NLRP1: variants seen among roughly 807,000 people sequenced by gnomAD.
NLRP1 encodes NLR family pyrin domain containing 1.
NLRP1 carries 94 observed loss-of-function variants against 136.7 expected under a neutral mutation model. That is an observed-to-expected ratio of 0.69 (90% CI 0.58 to 0.82). NLRP1 has a LOEUF of 0.82. Ranked by LOEUF, NLRP1 falls within the 40% of genes least tolerant of loss-of-function variation. The pLI is 0.00. For synonymous variants in NLRP1, 690 were observed against 725.1 expected, an observed-to-expected ratio of 0.95 and a Z score of 0.78; for missense variants, 1,575 against 1,802.7, an observed-to-expected ratio of 0.87 and a Z score of 2.29.
chr17:5,514,533 G>T lies in NLRP1; in HGVS notation c.*221C>A, dbSNP rs1907844245. The T allele has an allele frequency of 1.4e-6, 2 of 1,411,716 alleles. No individual in the cohort carries two copies. The highest frequency in any genetic ancestry group is 3.0e-5 in the South Asian group (2 of 65,604). The allele number at this position is 1,411,716 out of a possible 1,614,324, so 87.4% of individuals were successfully genotyped here. On this transcript the variant is annotated 3_prime_UTR_variant, in exon 17 of 17. Transcript: ENST00000572272. The stretch of plus-strand genomic sequence containing the variant: ...GTCTGCAGGGGTCTTGCCAGCTCCA[G>T]ATGGACATTCCCTGAGATGCTGTTA...
intron 3 of NLRP1, among the ~76,000 whole-genome samples, chr17:5,581,075 C>A (rs538664705): frequency 6.6e-6 from 1 of 152,314 alleles, no homozygotes; most frequent in South Asian, 2.1e-4. Flanking sequence ...ACAAAATCTA[C>A]AAGTTCACTC....
At position 5,584,115 on chromosome 17, in the gene NLRP1, C is replaced by T. The variant is rs200924726; in HGVS notation, c.-158G>A. 1.0e-4 allele frequency: 72 copies of T among 702,306 alleles called. No homozygotes were observed. The East Asian group carries it at 1.2e-3, about 11-fold the overall frequency. 43.5% of individuals were successfully genotyped at this position (702,306 alleles called of 1,614,324 possible). On this transcript the variant is annotated 5_prime_UTR_variant, in exon 1 of 17. Coordinates refer to ENST00000572272, the MANE Select transcript of NLRP1 (RefSeq NM_033004.4). ...AAATCCCAGGGCACCTACAGATAGA[C>T]GCCGATAGAGGGGGAGTGGTAGGAA...
intron 5 of NLRP1, 35 bp from the exon 6 acceptor site, chr17:5,542,062 C>G (rs1353254873): frequency 6.3e-7 from 1 of 1,595,042 alleles, no homozygotes; most frequent in South Asian, 1.1e-5. Context: ...CTTCAGGTTA[C>G]TCACCTGTTG....
At position 5,559,499 on chromosome 17, in the gene NLRP1, C is replaced by A. The variant is rs573778083; in HGVS notation, c.1197G>T (p.Leu399=). The stretch of plus-strand genomic sequence containing the variant: ...TGAAGAGCAGCCGCTCTGGCCTAGA[C>A]AGGATCTGTCTAATGGGAGCCGGAG... ...TATPAPIRQI[L]SRPERLLFIL... The change falls in exon 4 of 17, where the codon CTG becomes CTT. Residue 399 remains leucine, a synonymous_variant. Transcript: ENST00000572272. The A allele has an allele frequency of 5.0e-6, 8 of 1,614,234 alleles. No homozygotes were observed. The South Asian group carries it at 6.6e-5, about 13-fold the overall frequency.
chr17:5,544,201 C>A (rs35918709), intron 5 of NLRP1, among the ~76,000 whole-genome samples: 6,650 of 152,222 alleles, frequency 0.044, 173 homozygotes, highest in Middle Eastern at 0.082. Flanking sequence ...GTGATTATTG[C>A]CACGCTTTAT....
Position 5,558,704 on chromosome 17 carries a change from G to C in NLRP1, c.1992C>G (p.Gly664=). ...EKTLEAYGIH[G]LFGASTTRFL... is the part of the protein sequence containing the mutation. ...AACGTGTGGTTGATGCCCCAAACAG[G>C]CCATGTATTCCATATGCTTCTAGCG... Residue 664 remains glycine, a synonymous_variant, in exon 4 of 17, where the codon GGC becomes GGG. Coordinates refer to ENST00000572272, the MANE Select transcript of NLRP1 (RefSeq NM_033004.4). 1 of 1,614,092 alleles carries C rather than the reference G, an allele frequency of 6.2e-7. No homozygotes were observed. Among genetic ancestry groups the C allele is most frequent in the Non-Finnish European group, 8.5e-7 (1 of 1,180,020 alleles).
At position 5,521,022 on chromosome 17, in the gene NLRP1, A is replaced by G. The variant is rs1740043510; in HGVS notation, c.3784-10T>C. 1 of 1,591,878 alleles carries G rather than the reference A, an allele frequency of 6.3e-7. No homozygotes were observed. Among genetic ancestry groups the G allele is most frequent in the African/African-American group, 1.3e-5 (1 of 74,404 alleles). ...CTAGATCATCTATGGCCTACAGAAC[A>G]TAGGGAACAATGATTAAGGGAGGCT... On this transcript the variant is annotated splice_polypyrimidine_tract_variant and intron_variant, in intron 13 of 16. Transcript: ENST00000572272.
intron 5 of NLRP1, among the ~76,000 whole-genome samples, chr17:5,550,069 C>G (rs954288372): frequency 6.6e-6 from 1 of 152,012 alleles, no homozygotes; most frequent in Non-Finnish European, 1.5e-5. Flanking sequence ...GTCTACAATC[C>G]TTTTTATATG....
At position 5,521,566 on chromosome 17, in the gene NLRP1, G is replaced by T. The variant is rs2301583; in HGVS notation, c.3741C>A (p.Thr1247=). The T allele has an allele frequency of 0.012, 19,918 of 1,614,116 alleles. 153 individuals carry two copies. The highest frequency in any genetic ancestry group is 0.013 in the Non-Finnish European group (15,653 of 1,180,010). ...LYHRVHPEEV[T]FHLYLIPSDC... ...CACTTGGGATCAGGTAGAGGTGGAAGGTGACTTCCTCAGGATGGACGCGGT... is the reference window on the plus strand; with the variant it reads ...CACTTGGGATCAGGTAGAGGTGGAATGTGACTTCCTCAGGATGGACGCGGT... Residue 1247 remains threonine (T), a synonymous_variant, in exon 13 of 17, where the codon ACC becomes ACA. Coordinates refer to ENST00000572272, the MANE Select transcript of NLRP1 (RefSeq NM_033004.4).
At chr17:5,547,980 T>C (rs11655423) in intron 5 of NLRP1, among the ~76,000 whole-genome samples, 7,183 of 152,284 alleles carry the variant, frequency 0.047, 199 homozygotes, top group Middle Eastern at 0.085. Flanking sequence ...CTGAATTTCT[T>C]ACCCTCTGAC....
chr17:5,536,915 C>G lies in NLRP1; in HGVS notation c.2896G>C (p.Glu966Gln), dbSNP rs1911149767. ...LGLDQTTLSD[E>Q]MRQELRALEQ... ...AGGGCCCTCAGTTCCTGCCTCATCT[C>G]ATCACTCAGAGTTGTCTGGTCCAGC... The change falls in exon 8 of 17, where the codon GAG (glutamate) becomes CAG (glutamine). Residue 966 changes from glutamate to glutamine, a missense_variant. Transcript: ENST00000572272. 2 of 1,613,614 alleles carry G rather than the reference C, an allele frequency of 1.2e-6. No homozygotes were observed. Among genetic ancestry groups the G allele is most frequent in the Admixed American group, 3.3e-5 (2 of 60,000 alleles).
rs984522526 is a variant in NLRP1, at chr17:5,535,141, A to C, written c.2961-1153T>G. On this transcript the variant is annotated intron_variant, in intron 8 of 16. Coordinates refer to ENST00000572272, the MANE Select transcript of NLRP1 (RefSeq NM_033004.4). ...AGGCTGAGGCATAAGAATGGTTTGA[A>C]CCTGGGAGGCAGAGGTTACAGTGAG... Among the ~76,000 whole-genome samples the C allele has an allele frequency of 1.4e-4, 22 of 152,006 alleles. 1 individual carries two copies. The highest frequency in any genetic ancestry group is 1.1e-3 in the Admixed American group (17 of 15,270).
intron 16 of NLRP1, 114 bp downstream of exon 16, chr17:5,515,359 C>A: frequency 1.1e-6 from 1 of 948,982 alleles, no homozygotes; most frequent in Non-Finnish European, 1.7e-6. Context: ...GGGCCTGACT[C>A]TTTGTGAGGT....
At chr17:5,516,603 G>C (rs1369300211) in intron 15 of NLRP1, among the ~76,000 whole-genome samples, 1 of 152,246 alleles carries the variant, frequency 6.6e-6, no homozygotes, top group African/African-American at 2.4e-5. Context: ...CATGAGGCAT[G>C]TATAGACATC....
rs1218714223 is a variant in NLRP1 at position 5,504,765 on chromosome 17, G to A, written c.4070-2893C>T. ...CACCCCAGGCTTGCTCACCATCAAAGACTGTGCCCTGTTAGCCTTTCCCAG... is the reference window on the plus strand; with the variant it reads ...CACCCCAGGCTTGCTCACCATCAAAAACTGTGCCCTGTTAGCCTTTCCCAG... On this transcript the variant is annotated intron_variant, in intron 15 of 15. Transcript: ENST00000262467. The surrounding 1 kb of genome is among the most constrained non-coding windows in gnomAD (Gnocchi z 4.4). 1 of 152,590 alleles carries A rather than the reference G, an allele frequency of 6.6e-6. No individual in the cohort carries two copies. The highest frequency in any genetic ancestry group is 1.9e-4 in the East Asian group (1 of 5,206). 9.5% of individuals were successfully genotyped at this position (152,590 alleles called of 1,614,324 possible).
intron 3 of NLRP1, among the ~76,000 whole-genome samples, chr17:5,572,412 A>T (rs1271279144): frequency 1.3e-5 from 2 of 152,168 alleles, no homozygotes; most frequent in African/African-American, 2.4e-5. Context: ...AGCCAAAAAC[A>T]ATCCCATTAA....
intron 3 of NLRP1, among the ~76,000 whole-genome samples, chr17:5,581,327 T>C (rs1177623119): frequency 6.6e-6 from 1 of 152,248 alleles, no homozygotes; most frequent in East Asian, 1.9e-4. Flanking sequence ...TCTTTGCTAG[T>C]ACTAACTGTG....
At chr17:5,538,102 C>T (rs1486403951) in intron 7 of NLRP1, among the ~76,000 whole-genome samples, 1 of 152,206 alleles carries the variant, frequency 6.6e-6, no homozygotes, top group Non-Finnish European at 1.5e-5. Flanking sequence ...TTCCCGGACC[C>T]CCTCTGAGAA....
At position 5,558,895 on chromosome 17, in the gene NLRP1, T is replaced by A. The variant is rs73973843; in HGVS notation, c.1801A>T (p.Ile601Phe). Residue 601 changes from isoleucine to phenylalanine, a missense_variant, in exon 4 of 17, where the codon ATC becomes TTC. Ile to Phe is a conservative substitution (Grantham distance 21). Transcript: ENST00000572272. Reference protein sequence around the residue: ...LRKHGLDGAIISTFLKMGILQ... With the variant: ...LRKHGLDGAIFSTFLKMGILQ... ...ATACCCATCTTCAAGAAGGTGGAGA[T>A]GATGGCCCCATCTAACCCATGCTTC... 5.0e-3 allele frequency: 8,076 copies of A among 1,614,106 alleles called. 345 individuals carry two copies. In the African/African-American group the frequency reaches 0.092, roughly 18 times the overall value.
Sources: gnomAD v4.1 joint callset for allele counts (sites outside exome capture counted in the v4.1 genomes callset) on GRCh38, gnomAD v4.1.1 for gene constraint, Gnocchi (gnomAD v3.1) non-coding constraint, MANE v1.5 for transcripts, NCBI Gene and HGNC (gene_info 2026-07-23, HGNC 2026-07-21) for gene names.